The following CSMD1 variants were observed in gnomAD, a reference collection of about 807,000 sequenced individuals.
CSMD1 encodes CUB and Sushi multiple domains 1.
Under a neutral mutation model 417.5 loss-of-function variants are expected in CSMD1, and 213 were observed. The observed-to-expected ratio is 0.51, with a 90% CI of 0.46 to 0.57. The LOEUF (loss-of-function observed/expected upper bound fraction) is 0.57, where lower values mean the gene tolerates loss of function less well. Ranked by LOEUF, CSMD1 falls within the 20% of genes least tolerant of loss-of-function variation. CSMD1 has a pLI of 0.00. For synonymous variants in CSMD1, 2,862 were observed against 1,736.8 expected (o/e 1.65, Z -16.11); for missense variants, 6,923 against 4,529.7 (o/e 1.53, Z -15.17).
chr8:4,674,667 A>G (rs1255703577), intron 1 of CSMD1, among the ~76,000 whole-genome samples: 1 of 152,212 alleles, frequency 6.6e-6, no homozygotes. Context: ...AACAACAATA[A>G]CAACAACAAA....
At chr8:4,675,926 T>G (rs62484567) in intron 1 of CSMD1, among the ~76,000 whole-genome samples, 13,523 of 152,254 alleles carry the variant, frequency 0.089, 672 homozygotes, top group East Asian at 0.16. Context: ...AAATAAACGT[T>G]AAGCCTGGAT....
intron 3 of CSMD1, among the ~76,000 whole-genome samples, chr8:4,171,286 T>C (rs956605293): frequency 3.9e-5 from 6 of 151,956 alleles, no homozygotes; most frequent in Non-Finnish European, 8.8e-5. Flanking sequence ...CTGGCATTTA[T>C]TGTAAGCAAC....
intron 5 of CSMD1, among the ~76,000 whole-genome samples, chr8:3,940,521 GT>G: frequency 6.7e-6 from 1 of 149,014 alleles, no homozygotes; most frequent in Non-Finnish European, 1.5e-5. Context: ...GTGTGTGTGT[GT>G]GTGTGTGTGT....
intron 7 of CSMD1, among the ~76,000 whole-genome samples, chr8:3,639,507 G>A (rs1797202658): frequency 6.6e-6 from 1 of 152,180 alleles, no homozygotes; most frequent in African/African-American, 2.4e-5. Flanking sequence ...CTAAATGACA[G>A]TAAAAGACAC....
intron 46 of CSMD1, among the ~76,000 whole-genome samples, chr8:3,100,844 T>C (rs76092425): frequency 2.6e-5 from 4 of 152,186 alleles, no homozygotes; most frequent in African/African-American, 7.2e-5. Context: ...AAAGCACCTA[T>C]AGGTATGACA....
chr8:4,922,821 G>A (rs939852506), intron 1 of CSMD1, among the ~76,000 whole-genome samples: 1 of 152,176 alleles, frequency 6.6e-6, no homozygotes, highest in Non-Finnish European at 1.5e-5. Context: ...ACAGGGAAAT[G>A]ACTTGAGGAA....
At chr8:3,217,910 A>C (rs1363983927) in intron 29 of CSMD1, among the ~76,000 whole-genome samples, 1 of 152,184 alleles carries the variant, frequency 6.6e-6, no homozygotes, top group African/African-American at 2.4e-5. Flanking sequence ...AAATATTTTC[A>C]TTTTTTAAAG....
At chr8:3,898,581 G>GA (rs1807519600) in intron 5 of CSMD1, among the ~76,000 whole-genome samples, 2 of 152,168 alleles carry the variant, frequency 1.3e-5, no homozygotes, top group South Asian at 4.1e-4. Context: ...TATGAAGATA[G>GA]AAAAAAGATT....
At chr8:4,816,287 G>C (rs535360184) in intron 1 of CSMD1, among the ~76,000 whole-genome samples, 53 of 151,960 alleles carry the variant, frequency 3.5e-4, no homozygotes, top group African/African-American at 1.3e-3. Flanking sequence ...TGGGTTCAAG[G>C]GATTCTCCTG....
chr8:4,933,433 C>G (rs1425703768), intron 1 of CSMD1, among the ~76,000 whole-genome samples: 2 of 152,110 alleles, frequency 1.3e-5, no homozygotes, highest in South Asian at 4.1e-4. Flanking sequence ...GTCTTTGTGT[C>G]AAGATAAAGA....
Position 3,243,607 on chromosome 8 carries a change from T to G in CSMD1, c.4154-13376A>C, listed in dbSNP as rs191644785. On this transcript the variant is annotated intron_variant, in intron 26 of 69. Transcript: ENST00000635120. ...GGCAGGAACAGGCCATTTTCACTTCTTTTGTGGTGGAATGTCATCAGTTAA... is the reference window on the plus strand; with the variant it reads ...GGCAGGAACAGGCCATTTTCACTTCGTTTGTGGTGGAATGTCATCAGTTAA... Among the ~76,000 whole-genome samples the G allele has an allele frequency of 5.8e-4, 88 of 152,150 alleles. 1 individual carries two copies. The Middle Eastern group carries it at 0.021, about 36-fold the overall frequency.
chr8:3,796,379 T>TAGATATAGATATCTATCATGTATATAG (rs1554440716), intron 5 of CSMD1, among the ~76,000 whole-genome samples: 1 of 48,196 alleles, frequency 2.1e-5, no homozygotes, highest in Admixed American at 2.1e-4. Context: ...CTATCATGTA[T>TAGATATAGATATCTATCATGTATATAG]ATATATATCT....
intron 5 of CSMD1, among the ~76,000 whole-genome samples, chr8:3,767,887 T>C (rs1447381463): frequency 1.3e-5 from 2 of 152,322 alleles, no homozygotes; most frequent in South Asian, 2.1e-4. Flanking sequence ...TATATCATGG[T>C]AAAAAGTTAA....
At chr8:3,632,802 G>C (rs1207065394) in intron 7 of CSMD1, among the ~76,000 whole-genome samples, 1 of 152,164 alleles carries the variant, frequency 6.6e-6, no homozygotes, top group East Asian at 1.9e-4. Context: ...TCCTGTTTCA[G>C]GTGCAAAGAC....
At chr8:4,223,523 C>G (rs116033413) in intron 3 of CSMD1, among the ~76,000 whole-genome samples, 206 of 152,344 alleles carry the variant, frequency 1.4e-3, no homozygotes, top group African/African-American at 4.6e-3. Context: ...TACCACACCA[C>G]TGCTCGTTAA....
chr8:4,003,926 A>AT (rs916261829), intron 4 of CSMD1, among the ~76,000 whole-genome samples: 1 of 138,362 alleles, frequency 7.2e-6, no homozygotes. Flanking sequence ...AATGTTTTTC[A>AT]TTTTTTTAGA....
At chr8:4,417,947 T>G (rs1443975652) in intron 3 of CSMD1, among the ~76,000 whole-genome samples, 1 of 152,058 alleles carries the variant, frequency 6.6e-6, no homozygotes, top group Non-Finnish European at 1.5e-5. Flanking sequence ...ATAAAAGCTC[T>G]CTTCTACTCT....
intron 5 of CSMD1, among the ~76,000 whole-genome samples, chr8:3,982,189 ATAT>A (rs200622952): frequency 0.064 from 8,179 of 128,118 alleles, 301 homozygotes; most frequent in Non-Finnish European, 0.083. Flanking sequence ...AATAATAATA[ATAT>A]TAATAAAAAA....
At chr8:3,182,675 CTGTG>C (rs10676783) in intron 36 of CSMD1, among the ~76,000 whole-genome samples, 8 of 99,082 alleles carry the variant, frequency 8.1e-5, no homozygotes, top group Admixed American at 2.1e-4. Flanking sequence ...CTATAAGAAG[CTGTG>C]TGTGTGTGTG....
Sources: gnomAD v4.1 joint callset for allele counts (sites outside exome capture counted in the v4.1 genomes callset) on GRCh38, gnomAD v4.1.1 for gene constraint, MANE v1.5 for transcripts, NCBI Gene and HGNC (gene_info 2026-07-23, HGNC 2026-07-21) for gene names.